The following NMT2 variants were observed in gnomAD, a reference collection of about 807,000 sequenced individuals.
NMT2 encodes N-myristoyltransferase 2.
NMT2 carries 35 observed loss-of-function variants against 65.4 expected under a neutral mutation model. That is an observed-to-expected ratio of 0.54 (90% CI 0.41 to 0.71). The LOEUF (loss-of-function observed/expected upper bound fraction) is 0.71, where lower values mean the gene tolerates loss of function less well. Ranked by LOEUF, NMT2 falls within the 30% of genes least tolerant of loss-of-function variation. The pLI, the probability that NMT2 is intolerant of heterozygous loss-of-function variation, is 0.00. For synonymous variants in NMT2, 226 were observed against 231.8 expected (o/e 0.98, Z 0.23); for missense variants, 489 against 611.3 (o/e 0.80, Z 2.11).
Position 15,108,440 on chromosome 10 carries a change from C to A in NMT2, c.*755G>T, listed in dbSNP as rs191245367. On this transcript the variant is annotated 3_prime_UTR_variant, in exon 12 of 12. Coordinates refer to ENST00000378165, the MANE Select transcript of NMT2 (RefSeq NM_004808.3). ...GACCTCATGATCTGCCCACCTTGGC[C>A]TCCCAAAGTGCTGGGATTACAGGCG... is the stretch of plus-strand genomic sequence containing the variant. The A allele has an allele frequency of 1.9e-4, 171 of 889,646 alleles. 1 individual carries two copies. In the African/African-American group the frequency reaches 3.0e-3, roughly 15 times the overall value. The allele number at this position is 889,646 out of a possible 1,614,324, so 55.1% of individuals were successfully genotyped here. A position where few individuals can be genotyped will look rare whatever the true frequency, so the allele number is the denominator to read the frequency against.
At position 15,112,820 on chromosome 10, in the gene NMT2, G is replaced by A. The variant is rs777965564; in HGVS notation, c.1314C>T (p.Ser438=). 12 of 1,613,198 alleles carry A rather than the reference G, an allele frequency of 7.4e-6. No homozygotes were observed. The highest frequency in any genetic ancestry group is 2.7e-5 in the African/African-American group (2 of 74,836). The change falls in exon 10 of 12, where the codon AGC becomes AGT. Residue 438 remains serine (S), a synonymous_variant. Transcript: ENST00000378165. The part of the protein sequence containing the change: ...HTETPLLDLM[S]DALILAKSKG... ...CCGATTTAGCCAGGATGAGCGCGTC[G>A]CTCATGAGGTCCAGCAGGGGCGTCT...
At chr10:15,123,324 A>T (rs1252151051) in intron 8 of NMT2, among the ~76,000 whole-genome samples, 1 of 152,138 alleles carries the variant, frequency 6.6e-6, no homozygotes, top group East Asian at 1.9e-4. Flanking sequence ...AGGCAGGCGG[A>T]TCACAAGGTC....
In NMT2 at chr10:15,106,017, T is replaced by A. The variant is rs1338392995; in HGVS notation, c.*3178A>T. The A allele has an allele frequency of 7.2e-6, 3 of 417,038 alleles. No individual in the cohort carries two copies. Among genetic ancestry groups the A allele is most frequent in the African/African-American group, 6.4e-5 (3 of 46,916 alleles). 25.8% of individuals were successfully genotyped at this position (417,038 alleles called of 1,614,324 possible). ...GCAGTTATTTATTTTACTTTCGAGA[T>A]AGAGTCTCACTCTGTTGCCCAGGCT... On this transcript the variant is annotated 3_prime_UTR_variant, in exon 12 of 12. Transcript: ENST00000378165.
chr10:15,162,679 C>A (rs1833238708), intron 1 of NMT2, among the ~76,000 whole-genome samples: 2 of 151,676 alleles, frequency 1.3e-5, no homozygotes, highest in African/African-American at 4.8e-5. Flanking sequence ...ATTAAACTAT[C>A]AGTGGTGACA....
At chr10:15,150,230 T>TCA (rs1326555643) in intron 1 of NMT2, among the ~76,000 whole-genome samples, 1 of 152,240 alleles carries the variant, frequency 6.6e-6, no homozygotes, top group African/African-American at 2.4e-5. Context: ...CAGGGTGTAC[T>TCA]GGCCAAAGTT....
chr10:15,121,329 A>G (rs765695562), intron 8 of NMT2, among the ~76,000 whole-genome samples: 3 of 152,328 alleles, frequency 2.0e-5, no homozygotes, highest in Non-Finnish European at 4.4e-5. Context: ...TGAGGTCATC[A>G]CAATTCCTGC....
chr10:15,123,209 A>C (rs1260518761), intron 8 of NMT2, among the ~76,000 whole-genome samples: 1 of 152,228 alleles, frequency 6.6e-6, no homozygotes, highest in Non-Finnish European at 1.5e-5. Context: ...AAACAGGGTA[A>C]GAATATTTAC....
chr10:15,109,525 C>G (rs957374132), intron 11 of NMT2, among the ~76,000 whole-genome samples, 177 bp downstream of exon 11: 1 of 152,042 alleles, frequency 6.6e-6, no homozygotes, highest in Non-Finnish European at 1.5e-5. Context: ...GAGCTGAGAT[C>G]ATGCCATTGC....
chr10:15,139,618 T>C lies in NMT2; in HGVS notation c.246+1804A>G, dbSNP rs1846658836. On this transcript the variant is annotated intron_variant, in intron 2 of 11. Transcript: ENST00000378165. ...ACCTTGGAAAGCTGTATCTAGTGGGTAGCATATTTATTACCCGAGAACCAA... is the reference window on the plus strand; with the variant it reads ...ACCTTGGAAAGCTGTATCTAGTGGGCAGCATATTTATTACCCGAGAACCAA... 2.0e-5 allele frequency: 3 copies of C among 151,818 alleles called. No homozygotes were observed. In the South Asian group the frequency reaches 6.3e-4, roughly 32 times the overall value. The allele number at this position is 151,818 out of a possible 1,614,324, so 9.4% of individuals were successfully genotyped here.
At chr10:15,145,934 T>C (rs984745030) in intron 1 of NMT2, among the ~76,000 whole-genome samples, 2 of 152,072 alleles carry the variant, frequency 1.3e-5, no homozygotes, top group African/African-American at 2.4e-5. Flanking sequence ...GGCTTCCAGA[T>C]ACTGAAGGCA....
intron 1 of NMT2, among the ~76,000 whole-genome samples, chr10:15,151,686 G>T (rs1345434368): frequency 6.6e-6 from 1 of 152,206 alleles, no homozygotes; most frequent in African/African-American, 2.4e-5. Flanking sequence ...AGCCTCGAGG[G>T]AGCTGGTGGC....
chr10:15,109,463 CG>C (rs911692638), intron 11 of NMT2, among the ~76,000 whole-genome samples: 1 of 151,952 alleles, frequency 6.6e-6, no homozygotes, highest in African/African-American at 2.4e-5. Context: ...CCCAGCTACT[CG>C]GGAGGCTGAG....
At chr10:15,137,737 C>T (rs1341990322) in intron 2 of NMT2, among the ~76,000 whole-genome samples, 2 of 152,052 alleles carry the variant, frequency 1.3e-5, no homozygotes, top group Non-Finnish European at 2.9e-5. Flanking sequence ...TTTTTTGTTC[C>T]TTGATTTCTT....
At position 15,154,992 on chromosome 10, in the gene NMT2, G is replaced by T. The variant is rs181749622; in HGVS notation, c.111-13435C>A. 7.0e-4 allele frequency: 816 copies of T among 1,171,118 alleles called. 10 individuals are homozygous for T. In the East Asian group the frequency reaches 0.019, roughly 27 times the overall value. 72.5% of individuals were successfully genotyped at this position (1,171,118 alleles called of 1,614,324 possible). On this transcript the variant is annotated intron_variant, in intron 1 of 11. Transcript: ENST00000378165. ...ATCGTTTGTGTTGGGTCCAGCATTT[G>T]CCATGGACAAGATGCCAGGACCTGT...
At position 15,133,346 on chromosome 10, in the gene NMT2, G is replaced by A. The variant is rs1319573162; in HGVS notation, c.409C>T (p.His137Tyr). Reference protein sequence around the residue: ...VPKLDEVITSHGAIEPDKDNV... With the variant: ...VPKLDEVITSYGAIEPDKDNV... ...TCTTTATCTGGTTCAATTGCACCATGAGATGTTATGACTTCATCTGAACAG... is the reference window on the plus strand; with the variant it reads ...TCTTTATCTGGTTCAATTGCACCATAAGATGTTATGACTTCATCTGAACAG... The change falls in exon 4 of 12, where the codon CAT becomes TAT. Residue 137 changes from histidine to tyrosine, a missense_variant. By Grantham distance (83) the His-to-Tyr change is moderately conservative (BLOSUM62 2). Transcript: ENST00000378165. The A allele has an allele frequency of 6.2e-7, 1 of 1,611,768 alleles. No homozygotes were observed. The highest frequency in any genetic ancestry group is 8.5e-7 in the Non-Finnish European group (1 of 1,177,818).
rs565621285 is a variant in NMT2 at position 15,110,248 on chromosome 10, G to C, written c.1339-409C>G. ...AGATTGTGCCACGGCACTCCAGCCT[G>C]AGCGACAGAGTGAGACTTTTTTTTT... On this transcript the variant is annotated intron_variant, in intron 10 of 11. Transcript: ENST00000378165. Among the ~76,000 whole-genome samples, 3 of 152,206 alleles carry C rather than the reference G, an allele frequency of 2.0e-5. No homozygotes were observed. The East Asian group carries it at 5.8e-4, about 29-fold the overall frequency.
chr10:15,165,984 T>C (rs1456101181), intron 1 of NMT2, among the ~76,000 whole-genome samples: 2 of 152,022 alleles, frequency 1.3e-5, no homozygotes, highest in Non-Finnish European at 2.9e-5. Flanking sequence ...ACATAAAACA[T>C]CTGATATTTC....
At chr10:15,124,796 C>A (rs1310217469) in intron 8 of NMT2, among the ~76,000 whole-genome samples, 3 of 152,200 alleles carry the variant, frequency 2.0e-5, no homozygotes, top group African/African-American at 7.2e-5. Context: ...CTTCCAATTT[C>A]ATAATATCTG....
At chr10:15,162,440 G>A (rs1404303041) in intron 1 of NMT2, among the ~76,000 whole-genome samples, 1 of 152,088 alleles carries the variant, frequency 6.6e-6, no homozygotes, top group Non-Finnish European at 1.5e-5. Flanking sequence ...GTCACATGGA[G>A]CTATTTAAAT....
Sources: allele counts gnomAD v4.1 joint callset (sites outside exome capture counted in the v4.1 genomes callset), GRCh38; gene constraint gnomAD v4.1.1; transcripts MANE v1.5; gene names NCBI Gene and HGNC (gene_info 2026-07-23, HGNC 2026-07-21).